The following PRR12 variants were observed in gnomAD, a reference collection of about 807,000 sequenced individuals.
The protein encoded by PRR12 is proline rich 12.
A neutral mutation model predicts 138.0 loss-of-function variants in PRR12; 12 were observed. That is an observed-to-expected ratio of 0.09 (90% confidence interval 0.06 to 0.14). The LOEUF (loss-of-function observed/expected upper bound fraction) is 0.14. Ranked by LOEUF, PRR12 falls within the 10% of genes least tolerant of loss-of-function variation. PRR12 has a pLI of 1.00. For synonymous variants in PRR12, 1,567 were observed against 1,291.7 expected, an observed-to-expected ratio of 1.21 and a Z score of -4.57; for missense variants, 2,692 against 2,861.3, an observed-to-expected ratio of 0.94 and a Z score of 1.35.
chr19:49,601,956 G>A, intron 6 of PRR12, 38 bp downstream of exon 6: 11 of 1,593,378 alleles, frequency 6.9e-6, no homozygotes, highest in Non-Finnish European at 9.4e-6. Flanking sequence ...GGCCTGATGG[G>A]TTTGGTCACC....
chr19:49,602,223 C>A (rs751064105), intron 6 of PRR12, among the ~76,000 whole-genome samples: 11 of 152,130 alleles, frequency 7.2e-5, no homozygotes, highest in Non-Finnish European at 1.2e-4. Context: ...TATGCAGATA[C>A]CCTGCTGTGG....
rs1022499276 is a variant in PRR12 at position 49,614,717 on chromosome 19, C to T, written c.4890+68C>T. On this transcript the variant is annotated intron_variant, in intron 7 of 13. Transcript: ENST00000418929. The surrounding 1 kb of genome is among the most constrained non-coding windows in gnomAD (Gnocchi z 5.0). ...GTGGTATCTAGGAGCTGGGGTTCCC[C>T]TTAGTGTGGCTGTGACTCACTCCAC... 63 of 1,487,412 alleles carry T rather than the reference C, an allele frequency of 4.2e-5. No homozygotes were observed. The highest frequency in any genetic ancestry group is 2.4e-5 in the East Asian group (1 of 40,946). 92.1% of individuals were successfully genotyped at this position (1,487,412 alleles called of 1,614,324 possible).
intron 6 of PRR12, among the ~76,000 whole-genome samples, chr19:49,610,770 C>T (rs995240685): frequency 6.6e-6 from 1 of 151,024 alleles, no homozygotes; most frequent in African/African-American, 2.4e-5. Context: ...ATCTCGATCT[C>T]CTGACCTCGT....
intron 1 of PRR12, among the ~76,000 whole-genome samples, chr19:49,592,704 T>C (rs11878568): frequency 0.4 from 61,220 of 151,928 alleles, 16,542 homozygotes; most frequent in African/African-American, 0.77. Flanking sequence ...TGGCATTGCA[T>C]GGGCCCATGC....
intron 5 of PRR12, among the ~76,000 whole-genome samples, 160 bp from the exon 6 acceptor site, chr19:49,601,331 G>A (rs2080808757): frequency 6.6e-6 from 1 of 152,174 alleles, no homozygotes; most frequent in African/African-American, 2.4e-5. Flanking sequence ...AGGAGCCAGA[G>A]TAGGTCTCTG....
rs771854011 is a variant in PRR12, at chr19:49,596,899, G to A, written c.2564G>A (p.Arg855His). Residue 855 changes from arginine (R) to histidine (H), a missense_variant, in exon 4 of 14, where the codon CGC (arginine) becomes CAC (histidine). Arg to His is a conservative substitution (Grantham distance 29). Transcript: ENST00000418929. The surrounding 1 kb of genome is among the most constrained non-coding windows in gnomAD (Gnocchi z 5.6). ...CCCCTGCAGCTCGAGGCCCACCTCC[G>A]CAGCCATGGCCTGGAGCCCGCGGCC... ...PMPLQLEAHL[R>H]SHGLEPAAPS... The A allele has an allele frequency of 3.8e-6, 5 of 1,300,764 alleles. No homozygotes were observed. Among genetic ancestry groups the A allele is most frequent in the Admixed American group, 2.2e-5 (1 of 44,654 alleles). 80.6% of individuals were successfully genotyped at this position (1,300,764 alleles called of 1,614,324 possible). A position where few individuals can be genotyped will look rare whatever the true frequency, so the allele number is the denominator to read the frequency against.
rs2080749581 is a variant in PRR12, at chr19:49,594,347, A to G, written c.200-107A>G. 4 of 1,085,230 alleles carry G rather than the reference A, an allele frequency of 3.7e-6. No homozygotes were observed. Among genetic ancestry groups the G allele is most frequent in the Non-Finnish European group, 3.9e-6 (3 of 769,360 alleles). 67.2% of individuals were successfully genotyped at this position (1,085,230 alleles called of 1,614,324 possible). A position where few individuals can be genotyped will look rare whatever the true frequency, so the allele number is the denominator to read the frequency against. On this transcript the variant is annotated intron_variant, in intron 2 of 13. Coordinates refer to ENST00000418929, the MANE Select transcript of PRR12 (RefSeq NM_020719.3). This position sits in a 1 kb window ranked among gnomAD's most constrained non-coding sequence, Gnocchi z 5.6. ...TTTTGAATTTGCCCTTTTCTCTCCC[A>G]TCCCCTCCTTTTCCTGATCCAACTT...
In PRR12 at chr19:49,597,680, C is replaced by T; in HGVS notation, c.3345C>T (p.Arg1115=). The T allele has an allele frequency of 6.2e-7, 1 of 1,606,638 alleles. No homozygotes were observed. The change falls in exon 4 of 14, where the codon CGC becomes CGT. Residue 1115 remains arginine, a synonymous_variant. Transcript: ENST00000418929. The surrounding 1 kb of genome is among the most constrained non-coding windows in gnomAD (Gnocchi z 6.3). ...EDKADVPADI[R]LNPRRLPDLV... ...AGGCCGATGTTCCCGCCGACATCCG[C>T]CTCAACCCCCGGCGCTTGCCTGACC...
chr19:49,601,450 T>G, intron 5 of PRR12, 41 bp from the exon 6 acceptor site: 1 of 1,147,044 alleles, frequency 8.7e-7, no homozygotes, highest in South Asian at 1.5e-5. Flanking sequence ...GTGCCAGGAA[T>G]GATGAATAAC....
chr19:49,612,463 ACTGGGTGTGGGGTGGGGATG>A (rs1383268516), intron 6 of PRR12, among the ~76,000 whole-genome samples: 1 of 151,948 alleles, frequency 6.6e-6, no homozygotes, highest in African/African-American at 2.4e-5. Flanking sequence ...AGGCCTGATG[ACTGGGTGTGGGGTGGGGATG>A]CTGGGAGGAA....
At chr19:49,607,716 A>G (rs2080846012) in intron 6 of PRR12, among the ~76,000 whole-genome samples, 1 of 150,472 alleles carries the variant, frequency 6.6e-6, no homozygotes, top group South Asian at 2.1e-4. Flanking sequence ...TCAAAAAGAA[A>G]AAAAAAAAAG....
At position 49,596,630 on chromosome 19, in the gene PRR12, G is replaced by T; in HGVS notation, c.2295G>T (p.Pro765=). Residue 765 remains proline (P), a synonymous_variant, in exon 4 of 14, where the codon CCG becomes CCT. Coordinates refer to ENST00000418929, the MANE Select transcript of PRR12 (RefSeq NM_020719.3). The surrounding 1 kb of genome is among the most constrained non-coding windows in gnomAD (Gnocchi z 5.6). ...GGGCCTTCTTGCAAAAGAGCCCTCC[G>T]CCCCCACCTCCCACGGCCCAGTCTA... is the stretch of plus-strand genomic sequence containing the variant. ...ELGAFLQKSP[P]PPPPTAQSTQ... The T allele has an allele frequency of 1.3e-6, 2 of 1,592,916 alleles. No homozygotes were observed. Among genetic ancestry groups the T allele is most frequent in the Non-Finnish European group, 1.7e-6 (2 of 1,170,776 alleles).
chr19:49,613,898 C>A (rs543030693), intron 6 of PRR12, among the ~76,000 whole-genome samples: 3 of 152,230 alleles, frequency 2.0e-5, no homozygotes, highest in East Asian at 3.9e-4. Context: ...CACCTGAGGT[C>A]GGGAGTTCAA....
At position 49,598,071 on chromosome 19, in the gene PRR12, G is replaced by GA. The variant is rs1172853528; in HGVS notation, c.3678+59dup. 1.1e-5 allele frequency: 13 copies of GA among 1,231,760 alleles called. No individual in the cohort carries two copies. In the South Asian group the frequency reaches 2.7e-4, roughly 26 times the overall value. The allele number at this position is 1,231,760 out of a possible 1,614,324, so 76.3% of individuals were successfully genotyped here. ...GGAGGAGGAGCTGTGTCCGATGTTT[G>GA]AGTCTTTTTTTTTTTTTTTTGAGAC... On this transcript the variant is annotated intron_variant, in intron 4 of 13. Coordinates refer to ENST00000418929, the MANE Select transcript of PRR12 (RefSeq NM_020719.3).
At position 49,625,209 on chromosome 19, in the gene PRR12, C is replaced by T. The variant is rs763839296; in HGVS notation, c.5964+9C>T. 6.2e-7 allele frequency: 1 copy of T among 1,608,422 alleles called. No individual in the cohort carries two copies. The highest frequency in any genetic ancestry group is 8.5e-7 in the Non-Finnish European group (1 of 1,175,078). On this transcript the variant is annotated intron_variant, in intron 13 of 13. Coordinates refer to ENST00000418929, the MANE Select transcript of PRR12 (RefSeq NM_020719.3). This position sits in a 1 kb window ranked among gnomAD's most constrained non-coding sequence, Gnocchi z 5.5. Reference sequence around the variant, plus strand: ...TGCGCTGCCGGGACCAGGTGAGCCCCACCCACAGCACCCATCGCCCTGGGA... The same window carrying T: ...TGCGCTGCCGGGACCAGGTGAGCCCTACCCACAGCACCCATCGCCCTGGGA...
At chr19:49,619,360 C>T (rs779671047) in intron 9 of PRR12, among the ~76,000 whole-genome samples, 74 of 150,976 alleles carry the variant, frequency 4.9e-4, no homozygotes, top group African/African-American at 1.5e-3. Context: ...CTCAGCCTCC[C>T]GAGTCGCTGT....
intron 1 of PRR12, among the ~76,000 whole-genome samples, chr19:49,592,319 A>G (rs187431657): frequency 6.6e-6 from 1 of 151,974 alleles, no homozygotes; most frequent in Admixed American, 6.5e-5. Context: ...CGCCCCCTTT[A>G]ATGCCCCCAC....
rs573332763 is a variant in PRR12 at position 49,615,432 on chromosome 19, C to T, written c.5025-315C>T. On this transcript the variant is annotated intron_variant, in intron 8 of 13. Coordinates refer to ENST00000418929, the MANE Select transcript of PRR12 (RefSeq NM_020719.3). ...TACAGAGACCTGGGGTGGACAGAGACCCAGAAAGAGGGGGATAGAGACCCA... is the reference window on the plus strand; with the variant it reads ...TACAGAGACCTGGGGTGGACAGAGATCCAGAAAGAGGGGGATAGAGACCCA... 1.2e-4 allele frequency among the ~76,000 whole-genome samples: 18 copies of T among 147,790 alleles called. 1 individual carries two copies. The East Asian group carries it at 2.2e-3, about 18-fold the overall frequency.
chr19:49,625,760 A>C lies in PRR12; in HGVS notation c.*153A>C. On this transcript the variant is annotated 3_prime_UTR_variant, in exon 14 of 14. Coordinates refer to ENST00000418929, the MANE Select transcript of PRR12 (RefSeq NM_020719.3). This position sits in a 1 kb window ranked among gnomAD's most constrained non-coding sequence, Gnocchi z 5.5. ...TGCTGCCCCCTCCAGGGCAGGGTTC[A>C]AAGTCCGACTCCCCCCCTCTCCCAA... 1 of 979,964 alleles carries C rather than the reference A, an allele frequency of 1.0e-6. No homozygotes were observed. The highest frequency in any genetic ancestry group is 1.4e-6 in the Non-Finnish European group (1 of 717,290). 60.7% of individuals were successfully genotyped at this position (979,964 alleles called of 1,614,324 possible). A position where few individuals can be genotyped will look rare whatever the true frequency, so the allele number is the denominator to read the frequency against.
Sources: gnomAD v4.1 joint callset for allele counts (sites outside exome capture counted in the v4.1 genomes callset) on GRCh38, gnomAD v4.1.1 for gene constraint, Gnocchi (gnomAD v3.1) non-coding constraint, MANE v1.5 for transcripts, NCBI Gene and HGNC (gene_info 2026-07-23, HGNC 2026-07-21) for gene names.